The following TRDN variants were observed in gnomAD, a reference collection of about 807,000 sequenced individuals.
TRDN encodes the protein triadin.
In TRDN, 161 loss-of-function variants were observed where a neutral mutation model predicts 149.7. The ratio of observed to expected loss-of-function variants is 1.08; its 90% CI spans 0.95 to 1.23. The LOEUF is 1.23. TRDN is among the 50% of genes most tolerant of loss of function. TRDN has a pLI of 0.00. For synonymous variants in TRDN, 294 were observed against 250.5 expected (o/e 1.17, Z -1.64); for missense variants, 896 against 823.5 (o/e 1.09, Z -1.08).
chr6:123,218,048 T>C lies in TRDN; in HGVS notation c.*553A>G, dbSNP rs1207438307. 1 of 151,986 alleles carries C rather than the reference T, an allele frequency of 6.6e-6. No individual in the cohort carries two copies. The allele number at this position is 151,986 out of a possible 1,614,324, so 9.4% of individuals were successfully genotyped here. ...ACAAGAAATTTATAGCAGTCTGTAG[T>C]ACAACTATTACCCATTCTTAGAGCA... On this transcript the variant is annotated 3_prime_UTR_variant, in exon 41 of 41. Coordinates refer to ENST00000334268, the MANE Select transcript of TRDN (RefSeq NM_006073.4).
intron 1 of TRDN, among the ~76,000 whole-genome samples, chr6:123,588,091 G>GA (rs1783596655): frequency 2.6e-5 from 4 of 152,070 alleles, no homozygotes. Context: ...TCTCTTATCA[G>GA]ACCCCAAAAG....
intron 38 of TRDN, among the ~76,000 whole-genome samples, chr6:123,248,696 A>G (rs1478226745): frequency 6.6e-6 from 1 of 152,212 alleles, no homozygotes; most frequent in East Asian, 1.9e-4. Flanking sequence ...ACCTGAACAG[A>G]CCAACTGTAG....
At chr6:123,612,296 T>G (rs1007805517) in intron 1 of TRDN, among the ~76,000 whole-genome samples, 1 of 142,128 alleles carries the variant, frequency 7.0e-6, no homozygotes, top group African/African-American at 2.6e-5. Flanking sequence ...CATTAGGAGA[T>G]ATACCTAATG....
rs9482397 is a variant in TRDN, at chr6:123,487,871, C to T, written c.853+9322G>A. Among the ~76,000 whole-genome samples the T allele has an allele frequency of 5.2e-3, 785 of 152,166 alleles. 6 individuals carry two copies. The highest frequency in any genetic ancestry group is 0.018 in the African/African-American group (729 of 41,532). On this transcript the variant is annotated intron_variant, in intron 9 of 40. Transcript: ENST00000334268. Reference sequence around the variant, plus strand: ...CATCTTTCAAGTTCTAGATCCACTCCATCTTTTTTGACAGCAGGAATCACA... The same window carrying T: ...CATCTTTCAAGTTCTAGATCCACTCTATCTTTTTTGACAGCAGGAATCACA...
At chr6:123,458,808 T>C (rs1776277890) in intron 10 of TRDN, among the ~76,000 whole-genome samples, 1 of 152,044 alleles carries the variant, frequency 6.6e-6, no homozygotes, top group African/African-American at 2.4e-5. Flanking sequence ...TTTGAGATCA[T>C]TTGCTCTTTA....
intron 23 of TRDN, among the ~76,000 whole-genome samples, chr6:123,320,628 T>A (rs2114706968): frequency 6.6e-6 from 1 of 152,242 alleles, no homozygotes; most frequent in South Asian, 2.1e-4. Context: ...TTTTAAGCAC[T>A]TCAACACACT....
In TRDN at chr6:123,567,549, G is replaced by A. The variant is rs981930018; in HGVS notation, c.232+3374C>T. 1.1e-4 allele frequency among the ~76,000 whole-genome samples: 17 copies of A among 151,988 alleles called. No homozygotes were observed. In the East Asian group the frequency reaches 2.9e-3, roughly 26 times the overall value. On this transcript the variant is annotated intron_variant, in intron 2 of 40. Coordinates refer to ENST00000334268, the MANE Select transcript of TRDN (RefSeq NM_006073.4). ...TCAGCTTCTGGTAAGGCTTCAGGGTGTTTACAATCATGGTGGAAGTTGAAG... is the reference window on the plus strand; with the variant it reads ...TCAGCTTCTGGTAAGGCTTCAGGGTATTTACAATCATGGTGGAAGTTGAAG...
chr6:123,418,258 A>T (rs77477905), intron 12 of TRDN, among the ~76,000 whole-genome samples: 1 of 152,164 alleles, frequency 6.6e-6, no homozygotes, highest in Non-Finnish European at 1.5e-5. Flanking sequence ...GACTAAAAAA[A>T]TCCATTTGTG....
intron 20 of TRDN, among the ~76,000 whole-genome samples, chr6:123,364,843 G>T (rs1013196626): frequency 2.0e-4 from 31 of 152,070 alleles, no homozygotes; most frequent in South Asian, 4.1e-4. Context: ...GTCTATGTTA[G>T]TGATTTTCTC....
At chr6:123,261,313 A>G (rs763489919) in intron 33 of TRDN, among the ~76,000 whole-genome samples, 24 of 151,882 alleles carry the variant, frequency 1.6e-4, no homozygotes, top group Non-Finnish European at 3.2e-4. Flanking sequence ...CAGAAATGCA[A>G]TTGAGTGTGG....
At position 123,624,936 on chromosome 6, in the gene TRDN, C is replaced by A. The variant is rs866610979; in HGVS notation, c.22+11818G>T. On this transcript the variant is annotated intron_variant, in intron 1 of 40. Coordinates refer to ENST00000334268, the MANE Select transcript of TRDN (RefSeq NM_006073.4). ...TCCAGCTTTTATAGTATTATAGCAA[C>A]AGTGTGCCTGACCGAAAATTTAGTA... 4.7e-4 allele frequency among the ~76,000 whole-genome samples: 72 copies of A among 152,230 alleles called. 1 individual carries two copies. The highest frequency in any genetic ancestry group is 1.7e-3 in the African/African-American group (72 of 41,548).
Position 123,295,382 on chromosome 6 carries a change from G to T in TRDN, c.1511-16300C>A, listed in dbSNP as rs114762512. Among the ~76,000 whole-genome samples, 287 of 152,312 alleles carry T rather than the reference G, an allele frequency of 1.9e-3. 1 individual carries two copies. Among genetic ancestry groups the T allele is most frequent in the African/African-American group, 6.6e-3 (274 of 41,584 alleles). On this transcript the variant is annotated intron_variant, in intron 24 of 40. Coordinates refer to ENST00000334268, the MANE Select transcript of TRDN (RefSeq NM_006073.4). ...AGCTTAACATCCCCAGAGCTGTAAT[G>T]CTGCCTCTTCAATAAGGCTATTTTT...
At chr6:123,385,941 T>TA (rs982547024) in intron 14 of TRDN, among the ~76,000 whole-genome samples, 9 of 151,420 alleles carry the variant, frequency 5.9e-5, no homozygotes, top group South Asian at 2.1e-4. Context: ...TCCTAGTAGT[T>TA]AAAAAAAAAT....
chr6:123,491,611 G>C (rs537577890), intron 9 of TRDN, among the ~76,000 whole-genome samples: 29 of 152,178 alleles, frequency 1.9e-4, no homozygotes, highest in African/African-American at 7.0e-4. Context: ...ACTGAGATTA[G>C]AATGTATATT....
At chr6:123,381,321 A>C in intron 16 of TRDN, 49 bp downstream of exon 16, 1 of 1,518,466 alleles carries the variant, frequency 6.6e-7, no homozygotes, top group South Asian at 1.2e-5. Context: ...CAGGCAAATA[A>C]TAGTAGTAAA....
At chr6:123,373,236 T>C (rs1208656771) in intron 19 of TRDN, among the ~76,000 whole-genome samples, 1 of 152,142 alleles carries the variant, frequency 6.6e-6, no homozygotes, top group Non-Finnish European at 1.5e-5. Context: ...TATGCTGTTC[T>C]CGTGATAGTG....
Position 123,438,935 on chromosome 6 carries a change from A to G in TRDN, c.991+9T>C. On this transcript the variant is annotated intron_variant, in intron 11 of 40. Coordinates refer to ENST00000334268, the MANE Select transcript of TRDN (RefSeq NM_006073.4). ...GATTTATGTGGTACATGGCTTTTAA[A>G]TTTCCTACCTTTCTTTTTTGTTTCA... 1 of 1,554,396 alleles carries G rather than the reference A, an allele frequency of 6.4e-7. No individual in the cohort carries two copies. Among genetic ancestry groups the G allele is most frequent in the Non-Finnish European group, 8.7e-7 (1 of 1,148,018 alleles).
chr6:123,328,402 CTTA>C (rs1779540487), intron 23 of TRDN, among the ~76,000 whole-genome samples: 2 of 152,314 alleles, frequency 1.3e-5, no homozygotes, highest in Admixed American at 6.5e-5. Flanking sequence ...GCAAACCTAT[CTTA>C]TTATTAATTT....
At chr6:123,250,419 T>C (rs1266281832) in intron 38 of TRDN, among the ~76,000 whole-genome samples, 2 of 152,074 alleles carry the variant, frequency 1.3e-5, no homozygotes, top group African/African-American at 4.8e-5. Context: ...AATATACATA[T>C]ACATAATGCT....
Sources: allele counts gnomAD v4.1 joint callset (sites outside exome capture counted in the v4.1 genomes callset), GRCh38; gene constraint gnomAD v4.1.1; transcripts MANE v1.5; gene names NCBI Gene and HGNC (gene_info 2026-07-23, HGNC 2026-07-21).